The following CTNND2 variants were observed in gnomAD, a reference collection of about 807,000 sequenced individuals.
The protein encoded by CTNND2 is catenin delta-2.
In CTNND2, 22 loss-of-function variants were observed where a neutral mutation model predicts 144.4. That is an observed-to-expected ratio of 0.15 (90% confidence interval 0.11 to 0.22). The LOEUF is 0.22. CTNND2 is among the 10% of genes least tolerant of loss of function. The probability of loss-of-function intolerance (pLI) is 1.00; values close to 1 mark genes in which losing one functional copy is unlikely to be tolerated. For missense variants in CTNND2, 1,353 were observed against 1,618.8 expected (o/e 0.84, Z 2.82); for synonymous variants, 751 against 695.6 (o/e 1.08, Z -1.25).
intron 1 of CTNND2, among the ~76,000 whole-genome samples, chr5:11,845,750 A>G (rs1291723143): frequency 6.6e-6 from 1 of 152,222 alleles, no homozygotes; most frequent in Non-Finnish European, 1.5e-5. Context: ...ATGGCTTGAA[A>G]TTACACACAA....
At chr5:11,118,506 G>C (rs565638694) in intron 12 of CTNND2, among the ~76,000 whole-genome samples, 42 of 152,338 alleles carry the variant, frequency 2.8e-4, no homozygotes, top group African/African-American at 9.9e-4. Context: ...GGTGTGTGCA[G>C]TACAGACTGC....
Position 11,904,020 on chromosome 5 carries a change from C to T in CTNND2, c.-167G>A. On this transcript the variant is annotated 5_prime_UTR_variant, in exon 1 of 22. Transcript: ENST00000304623. This position sits in a 1 kb window ranked among gnomAD's most constrained non-coding sequence, Gnocchi z 4.2. ...TGGCGGGCGGCAGGGGCGAGCGCCG[C>T]GGGCGAGAGGCGGCTCCCGACGCGA... The T allele has an allele frequency of 1.4e-6, 1 of 693,278 alleles. No homozygotes were observed. The highest frequency in any genetic ancestry group is 2.0e-6 in the Non-Finnish European group (1 of 512,478). 42.9% of individuals were successfully genotyped at this position (693,278 alleles called of 1,614,324 possible). A position where few individuals can be genotyped will look rare whatever the true frequency, so the allele number is the denominator to read the frequency against.
chr5:11,382,603 G>A (rs7724824), intron 7 of CTNND2, among the ~76,000 whole-genome samples: 34,987 of 83,216 alleles, frequency 0.42, 4,508 homozygotes, highest in Admixed American at 0.51. Flanking sequence ...CTCTGTGTGT[G>A]TGTGTGTGTG....
At chr5:11,200,969 G>T (rs982085314) in intron 10 of CTNND2, among the ~76,000 whole-genome samples, 3 of 151,988 alleles carry the variant, frequency 2.0e-5, no homozygotes, top group Non-Finnish European at 4.4e-5. Context: ...GTGAGCCACC[G>T]TGCCAGGCCA....
chr5:11,783,598 G>A (rs1790671661), intron 1 of CTNND2, among the ~76,000 whole-genome samples: 1 of 152,072 alleles, frequency 6.6e-6, no homozygotes, highest in South Asian at 2.1e-4. Flanking sequence ...ATAACTGCAG[G>A]TAGTAAATGG....
chr5:11,778,358 C>T lies in CTNND2; in HGVS notation c.38-46086G>A, dbSNP rs1031126724. On this transcript the variant is annotated intron_variant, in intron 1 of 21. Transcript: ENST00000304623. ...GGAAGAAGACAGGTGTGAGAACTAA[C>T]CACCTCTTTCAAATGGCTTTGAATT... Among the ~76,000 whole-genome samples, 10 of 152,128 alleles carry T rather than the reference C, an allele frequency of 6.6e-5. No individual in the cohort carries two copies. In the East Asian group the frequency reaches 7.7e-4, roughly 12 times the overall value.
In CTNND2 at chr5:11,837,963, T is replaced by G. The variant is rs79802806; in HGVS notation, c.37+65854A>C. On this transcript the variant is annotated intron_variant, in intron 1 of 21. Coordinates refer to ENST00000304623, the MANE Select transcript of CTNND2 (RefSeq NM_001332.4). ...TTACTTGTCTCCATCACAGTAGCCATGACTCCATGACAAGCTCTAATTACC... is the reference window on the plus strand; with the variant it reads ...TTACTTGTCTCCATCACAGTAGCCAGGACTCCATGACAAGCTCTAATTACC... Among the ~76,000 whole-genome samples, 147 of 152,286 alleles carry G rather than the reference T, an allele frequency of 9.7e-4. 2 individuals carry two copies. Among genetic ancestry groups the G allele is most frequent in the African/African-American group, 3.3e-3 (139 of 41,568 alleles).
intron 3 of CTNND2, among the ~76,000 whole-genome samples, chr5:11,462,239 T>C (rs983925472): frequency 3.3e-5 from 5 of 152,174 alleles, no homozygotes; most frequent in Non-Finnish European, 7.3e-5. Flanking sequence ...AAGGTCATAG[T>C]TCCAATTTTA....
At chr5:11,279,021 G>A (rs1314135939) in intron 9 of CTNND2, among the ~76,000 whole-genome samples, 1 of 152,066 alleles carries the variant, frequency 6.6e-6, no homozygotes, top group African/African-American at 2.4e-5. Flanking sequence ...TATAGACTGG[G>A]GTAATAATAT....
chr5:11,248,344 T>C (rs185712240), intron 9 of CTNND2, among the ~76,000 whole-genome samples: 4,905 of 151,946 alleles, frequency 0.032, 119 homozygotes, highest in African/African-American at 0.064. Flanking sequence ...TACATACATA[T>C]ATATATATAT....
At chr5:11,690,892 T>C (rs1784879307) in intron 2 of CTNND2, among the ~76,000 whole-genome samples, 1 of 151,910 alleles carries the variant, frequency 6.6e-6, no homozygotes, top group African/African-American at 2.4e-5. Flanking sequence ...AATAACTCCA[T>C]GTAGAAGGAT....
At chr5:11,032,552 G>T (rs1743590157) in intron 16 of CTNND2, among the ~76,000 whole-genome samples, 1 of 152,178 alleles carries the variant, frequency 6.6e-6, no homozygotes, top group Non-Finnish European at 1.5e-5. Context: ...GAAAATGTCT[G>T]AATGCTTGTT....
At chr5:11,447,819 T>C (rs913230587) in intron 3 of CTNND2, among the ~76,000 whole-genome samples, 2 of 152,216 alleles carry the variant, frequency 1.3e-5, no homozygotes, top group Non-Finnish European at 2.9e-5. Flanking sequence ...TCCCACTGAA[T>C]ACATTTCAAA....
At chr5:11,138,981 CTT>C (rs3032103) in intron 12 of CTNND2, among the ~76,000 whole-genome samples, 66,809 of 149,288 alleles carry the variant, frequency 0.45, 15,839 homozygotes, top group East Asian at 0.63. Flanking sequence ...TAAAAGGAAA[CTT>C]TTTTTTTTTT....
At chr5:11,580,295 G>C (rs1778322810) in intron 2 of CTNND2, among the ~76,000 whole-genome samples, 1 of 152,152 alleles carries the variant, frequency 6.6e-6, no homozygotes, top group Non-Finnish European at 1.5e-5. Flanking sequence ...TGAGGAAACA[G>C]ATATTCAGTA....
chr5:11,876,063 C>T (rs1735543685), intron 1 of CTNND2, among the ~76,000 whole-genome samples: 1 of 152,084 alleles, frequency 6.6e-6, no homozygotes, highest in South Asian at 2.1e-4. Context: ...TAAATGACTC[C>T]CATTTATAAG....
At chr5:11,625,009 C>A (rs980077884) in intron 2 of CTNND2, among the ~76,000 whole-genome samples, 2 of 151,444 alleles carry the variant, frequency 1.3e-5, no homozygotes, top group Non-Finnish European at 3.0e-5. Flanking sequence ...CAAAAAAAAA[C>A]AAAGTATTTT....
chr5:11,598,184 C>G (rs978409043), intron 2 of CTNND2, among the ~76,000 whole-genome samples: 3 of 152,140 alleles, frequency 2.0e-5, no homozygotes, highest in African/African-American at 7.2e-5. Context: ...GTGTTCTTAA[C>G]CACTAGACAG....
At chr5:11,350,900 A>G (rs1755266560) in intron 8 of CTNND2, among the ~76,000 whole-genome samples, 1 of 152,246 alleles carries the variant, frequency 6.6e-6, no homozygotes, top group Non-Finnish European at 1.5e-5. Flanking sequence ...TCTAATATGT[A>G]GAGAATATTA....
Sources: gnomAD v4.1 joint callset for allele counts (sites outside exome capture counted in the v4.1 genomes callset) on GRCh38, gnomAD v4.1.1 for gene constraint, Gnocchi (gnomAD v3.1) non-coding constraint, MANE v1.5 for transcripts, NCBI Gene and HGNC (gene_info 2026-07-23, HGNC 2026-07-21) for gene names.